The following SLAIN2 variants were observed in gnomAD, a reference collection of about 807,000 sequenced individuals.
SLAIN2 encodes SLAIN family member 2.
A neutral mutation model predicts 56.6 loss-of-function variants in SLAIN2; 31 were observed. The ratio of observed to expected loss-of-function variants is 0.55; its 90% CI spans 0.41 to 0.74. The LOEUF (loss-of-function observed/expected upper bound fraction) is 0.74, where lower values mean the gene tolerates loss of function less well. Among genes scored for constraint, SLAIN2 ranks in the 30% least tolerant of loss-of-function variants. The probability of loss-of-function intolerance (pLI) is 0.00; values close to 1 mark genes in which losing one functional copy is unlikely to be tolerated. For missense variants in SLAIN2, 777 were observed against 754.2 expected (o/e 1.03, Z -0.35); for synonymous variants, 317 against 284.9 (o/e 1.11, Z -1.13).
chr4:48,413,074 A>C (rs564866304), intron 6 of SLAIN2, among the ~76,000 whole-genome samples: 71 of 152,234 alleles, frequency 4.7e-4, no homozygotes, highest in South Asian at 3.9e-3. Flanking sequence ...CCAAAAAAAA[A>C]CAAATTATCC....
intron 6 of SLAIN2, among the ~76,000 whole-genome samples, chr4:48,397,954 C>T (rs577313727): frequency 5.3e-5 from 8 of 152,154 alleles, no homozygotes; most frequent in South Asian, 4.1e-4. Flanking sequence ...TGAATAGTGC[C>T]GCAATGAACA....
intron 1 of SLAIN2, among the ~76,000 whole-genome samples, chr4:48,366,782 A>T (rs1268517501): frequency 6.6e-6 from 1 of 152,124 alleles, no homozygotes; most frequent in Admixed American, 6.6e-5. Context: ...GGCCTCCATG[A>T]CTTAATTTTA....
At chr4:48,400,588 G>T (rs1372388188) in intron 6 of SLAIN2, among the ~76,000 whole-genome samples, 1 of 151,864 alleles carries the variant, frequency 6.6e-6, no homozygotes, top group Non-Finnish European at 1.5e-5. Context: ...TTTTAGTAGA[G>T]ATGGGGTTTC....
chr4:48,369,796 A>C (rs1265836133), intron 1 of SLAIN2, 53 bp from the exon 2 acceptor site: 1 of 1,550,342 alleles, frequency 6.5e-7, no homozygotes, highest in African/African-American at 1.4e-5. Flanking sequence ...TCCCTGTTTT[A>C]TATAACCTTG....
In SLAIN2 at chr4:48,341,999, G is replaced by A; in HGVS notation, c.260G>A (p.Ser87Asn). Reference sequence around the variant, plus strand: ...CCCGGGTCGGGCCCGAGGCGGACGAGTAGCGAAGAGCTGCGGGACGCCACC... The same window carrying A: ...CCCGGGTCGGGCCCGAGGCGGACGAATAGCGAAGAGCTGCGGGACGCCACC... ...GGPGSGPRRT[S>N]SEELRDATSL... The change falls in exon 1 of 8, where the codon AGT (serine) becomes AAT (asparagine). Residue 87 changes from serine (S) to asparagine (N), a missense_variant. By Grantham distance (46) the Ser-to-Asn change is conservative. Transcript: ENST00000264313. 7.0e-7 allele frequency: 1 copy of A among 1,425,798 alleles called. No individual in the cohort carries two copies. Among genetic ancestry groups the A allele is most frequent in the Non-Finnish European group, 9.1e-7 (1 of 1,094,752 alleles). The allele number at this position is 1,425,798 out of a possible 1,614,324, so 88.3% of individuals were successfully genotyped here.
chr4:48,352,593 T>C (rs1560449594), intron 1 of SLAIN2, among the ~76,000 whole-genome samples: 1 of 152,170 alleles, frequency 6.6e-6, no homozygotes, highest in Non-Finnish European at 1.5e-5. Context: ...TCCAGCAGCA[T>C]CCCTGGCCAA....
intron 1 of SLAIN2, among the ~76,000 whole-genome samples, chr4:48,353,122 A>G (rs1715056206): frequency 6.6e-6 from 1 of 152,142 alleles, no homozygotes; most frequent in Non-Finnish European, 1.5e-5. Flanking sequence ...TAAATTGCCC[A>G]GTCTCAGGGA....
chr4:48,343,607 A>G (rs1300859917), intron 1 of SLAIN2, among the ~76,000 whole-genome samples: 1 of 152,208 alleles, frequency 6.6e-6, no homozygotes, highest in Non-Finnish European at 1.5e-5. Context: ...ACTGGGAAAA[A>G]AATAGTAGTC....
chr4:48,405,282 T>C (rs1466961767), intron 6 of SLAIN2, among the ~76,000 whole-genome samples: 2 of 152,174 alleles, frequency 1.3e-5, no homozygotes, highest in African/African-American at 4.8e-5. Flanking sequence ...CCAAAAAGTA[T>C]CTACTCTTCT....
At chr4:48,348,930 T>C (rs1226334342) in intron 1 of SLAIN2, among the ~76,000 whole-genome samples, 1 of 152,234 alleles carries the variant, frequency 6.6e-6, no homozygotes, top group Non-Finnish European at 1.5e-5. Context: ...TTAAAAGTCC[T>C]CAGCAGTCCA....
chr4:48,411,834 T>TCCTTCTGCAC (rs1716855439), intron 6 of SLAIN2, among the ~76,000 whole-genome samples: 2 of 152,192 alleles, frequency 1.3e-5, no homozygotes, highest in Admixed American at 6.5e-5. Flanking sequence ...TTCCTCTGCT[T>TCCTTCTGCAC]CCTTCTGCAC....
At chr4:48,350,863 C>T (rs1234820156) in intron 1 of SLAIN2, among the ~76,000 whole-genome samples, 1 of 152,160 alleles carries the variant, frequency 6.6e-6, no homozygotes, top group East Asian at 1.9e-4. Context: ...AATATTGATT[C>T]TATCTCCTTG....
chr4:48,375,725 C>G (rs1179349249), intron 2 of SLAIN2, among the ~76,000 whole-genome samples: 1 of 152,208 alleles, frequency 6.6e-6, no homozygotes, highest in Non-Finnish European at 1.5e-5. Context: ...CTCAGGCCTT[C>G]CATGACCTGG....
chr4:48,364,360 C>T lies in SLAIN2; in HGVS notation c.390-5489C>T, dbSNP rs1395971632. 6.9e-5 allele frequency among the ~76,000 whole-genome samples: 6 copies of T among 86,768 alleles called. No individual in the cohort carries two copies. The East Asian group carries it at 1.5e-3, about 21-fold the overall frequency. 56.9% of individuals were successfully genotyped at this position (86,768 alleles called of 152,430 possible). On this transcript the variant is annotated intron_variant, in intron 1 of 7. Transcript: ENST00000264313. ...GCTCCTCACTTCCTAGATGGGATGGCGGCCGGGTGGAGACGCTCCTCACTT... is the reference window on the plus strand; with the variant it reads ...GCTCCTCACTTCCTAGATGGGATGGTGGCCGGGTGGAGACGCTCCTCACTT...
At chr4:48,386,033 A>G (rs1223781340) in intron 6 of SLAIN2, among the ~76,000 whole-genome samples, 1 of 149,118 alleles carries the variant, frequency 6.7e-6, no homozygotes, top group Non-Finnish European at 1.5e-5. Flanking sequence ...GCTTGAGCCC[A>G]GGAGTTTGAA....
At chr4:48,374,806 G>A (rs1340543834) in intron 2 of SLAIN2, among the ~76,000 whole-genome samples, 1 of 152,148 alleles carries the variant, frequency 6.6e-6, no homozygotes, top group African/African-American at 2.4e-5. Flanking sequence ...ATGAGGAAAT[G>A]GTGGACAAGA....
intron 1 of SLAIN2, among the ~76,000 whole-genome samples, chr4:48,345,600 G>T (rs1225515469): frequency 6.6e-6 from 1 of 151,838 alleles, no homozygotes; most frequent in African/African-American, 2.4e-5. Flanking sequence ...TTATACATAA[G>T]ATGTTAAACT....
At position 48,382,630 on chromosome 4, in the gene SLAIN2, A is replaced by C; in HGVS notation, c.925A>C (p.Thr309Pro). The C allele has an allele frequency of 6.2e-7, 1 of 1,613,304 alleles. No homozygotes were observed. The part of the protein sequence containing the change: ...RRSSGSSCNS[T>P]RRGTFSDQEL... ...CAGTTCTGGTTCATCTTGCAATTCT[A>C]CAAGACGGGGTACTTTTAGTGATCA... Residue 309 changes from threonine (T) to proline (P), a missense_variant, in exon 5 of 8, where the codon ACA becomes CCA. Transcript: ENST00000264313.
intron 1 of SLAIN2, among the ~76,000 whole-genome samples, chr4:48,360,714 A>G (rs915887369): frequency 2.0e-5 from 3 of 152,188 alleles, no homozygotes; most frequent in African/African-American, 7.2e-5. Context: ...GTTTTATAGT[A>G]TTTTCAGCAT....
Sources: gnomAD v4.1 joint callset for allele counts (sites outside exome capture counted in the v4.1 genomes callset) on GRCh38, gnomAD v4.1.1 for gene constraint, MANE v1.5 for transcripts, NCBI Gene and HGNC (gene_info 2026-07-23, HGNC 2026-07-21) for gene names.